Variants in MBTPS1 observed in about 807,000 individuals in gnomAD.
The protein encoded by MBTPS1 is membrane bound transcription factor peptidase, site 1.
In MBTPS1, 94 loss-of-function variants were observed where a neutral mutation model predicts 127.8. That is an observed-to-expected ratio of 0.74 (90% CI 0.62 to 0.87). MBTPS1 has a LOEUF of 0.87. Ranked by LOEUF, MBTPS1 falls within the 40% of genes least tolerant of loss-of-function variation. MBTPS1 has a pLI of 0.00. For synonymous variants in MBTPS1, 632 were observed against 509.4 expected (o/e 1.24, Z -3.24); for missense variants, 1,636 against 1,353.2 (o/e 1.21, Z -3.28).
chr16:84,083,214 C>T (rs949305013), intron 10 of MBTPS1, among the ~76,000 whole-genome samples: 2 of 152,242 alleles, frequency 1.3e-5, no homozygotes, highest in Non-Finnish European at 1.5e-5. Flanking sequence ...ACTGAATTCT[C>T]TCCACCTGGC....
intron 21 of MBTPS1, 37 bp from the exon 22 acceptor site, chr16:84,056,172 C>T (rs761453983): frequency 3.2e-6 from 5 of 1,583,006 alleles, no homozygotes; most frequent in Admixed American, 3.3e-5. Flanking sequence ...CAAAAATAAG[C>T]CATTGTACTA....
chr16:84,110,032 AG>A (rs2151174293), intron 1 of MBTPS1, among the ~76,000 whole-genome samples: 1 of 152,222 alleles, frequency 6.6e-6, no homozygotes, highest in East Asian at 1.9e-4. Context: ...TTTCCAAAAC[AG>A]GCAGAAAAAA....
At chr16:84,110,211 T>C (rs1053571461) in intron 1 of MBTPS1, among the ~76,000 whole-genome samples, 14 of 152,304 alleles carry the variant, frequency 9.2e-5, no homozygotes, top group Middle Eastern at 3.4e-3. Context: ...AATTGTTACG[T>C]AGAAGGACAT....
chr16:84,071,483 G>A (rs770365753), intron 12 of MBTPS1, among the ~76,000 whole-genome samples: 19 of 152,218 alleles, frequency 1.2e-4, no homozygotes, highest in Non-Finnish European at 2.5e-4. Context: ...GTAGGATACG[G>A]TGTCCCAAAT....
intron 8 of MBTPS1, among the ~76,000 whole-genome samples, chr16:84,088,132 T>A (rs1567492360): frequency 6.6e-6 from 1 of 152,134 alleles, no homozygotes; most frequent in Admixed American, 6.5e-5. Context: ...AAAGTCAAGA[T>A]AAAGATGAAC....
chr16:84,062,631 TATC>T (rs1296804662), intron 19 of MBTPS1, among the ~76,000 whole-genome samples: 4 of 152,212 alleles, frequency 2.6e-5, no homozygotes, highest in African/African-American at 9.6e-5. Flanking sequence ...CTGGTGTCAT[TATC>T]ATCTCACCAG....
Position 84,101,897 on chromosome 16 carries a change from T to C in MBTPS1, c.-114A>G. On this transcript the variant is annotated 5_prime_UTR_variant, in exon 2 of 23. It removes an upstream start codon present in the reference 5' UTR. Transcript: ENST00000343411. Reference sequence around the variant, plus strand: ...AAGCTGCAACATTACTAATCAGCCATCTTACAGTCTTGCCCAACATAAATA... The same window carrying C: ...AAGCTGCAACATTACTAATCAGCCACCTTACAGTCTTGCCCAACATAAATA... 2 of 931,834 alleles carry C rather than the reference T, an allele frequency of 2.1e-6. No individual in the cohort carries two copies. The highest frequency in any genetic ancestry group is 3.3e-6 in the Non-Finnish European group (2 of 600,152). 57.7% of individuals were successfully genotyped at this position (931,834 alleles called of 1,614,324 possible). A position where few individuals can be genotyped will look rare whatever the true frequency, so the allele number is the denominator to read the frequency against.
rs747574931 is a variant in MBTPS1, at chr16:84,070,569, C to T, written c.1782+19G>A. The T allele has an allele frequency of 2.5e-6, 4 of 1,608,544 alleles. No homozygotes were observed. The highest frequency in any genetic ancestry group is 3.4e-6 in the Non-Finnish European group (4 of 1,178,776). On this transcript the variant is annotated intron_variant, in intron 13 of 22. Coordinates refer to ENST00000343411, the MANE Select transcript of MBTPS1 (RefSeq NM_003791.4). ...GTCAAACAGCTAAGAAAACAAGCCA[C>T]TTTCCCGCATATCCCTACCTCTGTC...
At chr16:84,109,801 A>T (rs1468589059) in intron 1 of MBTPS1, among the ~76,000 whole-genome samples, 2 of 152,186 alleles carry the variant, frequency 1.3e-5, no homozygotes, top group East Asian at 3.8e-4. Flanking sequence ...GGCAAAACCC[A>T]AGTAAGCCTG....
At chr16:84,068,089 G>T (rs1272906114) in intron 15 of MBTPS1, among the ~76,000 whole-genome samples, 1 of 152,238 alleles carries the variant, frequency 6.6e-6, no homozygotes, top group Non-Finnish European at 1.5e-5. Context: ...ATATAGCAGA[G>T]CTGCTTTTAA....
chr16:84,111,442 G>C (rs2086395141), intron 1 of MBTPS1, among the ~76,000 whole-genome samples: 1 of 152,120 alleles, frequency 6.6e-6, no homozygotes, highest in Admixed American at 6.5e-5. Context: ...CCGGAAGGCT[G>C]AGGCAGGAGA....
At chr16:84,102,876 G>A (rs2086276442) in intron 1 of MBTPS1, among the ~76,000 whole-genome samples, 1 of 152,142 alleles carries the variant, frequency 6.6e-6, no homozygotes, top group African/African-American at 2.4e-5. Flanking sequence ...AGGGTTTACT[G>A]TCCTGAAATT....
rs747418498 is a variant in MBTPS1, at chr16:84,064,514, T to C, written c.2432-1069A>G. Among the ~76,000 whole-genome samples the C allele has an allele frequency of 7.9e-5, 12 of 152,170 alleles. No homozygotes were observed. The South Asian group carries it at 1.0e-3, about 13-fold the overall frequency. ...GGGAATAAAATGCCCCTTTAAAAAA[T>C]TTCGTTTTCACACTGTAGTAGAACA... On this transcript the variant is annotated intron_variant, in intron 18 of 22. Transcript: ENST00000343411.
At chr16:84,083,503 C>T (rs900212055) in intron 10 of MBTPS1, among the ~76,000 whole-genome samples, 3 of 151,796 alleles carry the variant, frequency 2.0e-5, no homozygotes, top group African/African-American at 7.3e-5. Flanking sequence ...GTTGCCCCAG[C>T]TGCTCTCAAA....
intron 1 of MBTPS1, among the ~76,000 whole-genome samples, chr16:84,111,621 G>C (rs369507502): frequency 6.6e-6 from 1 of 152,124 alleles, no homozygotes; most frequent in African/African-American, 2.4e-5. Flanking sequence ...AACGCAGGTG[G>C]CCTGTAGAAA....
intron 21 of MBTPS1, 140 bp downstream of exon 21, chr16:84,059,162 C>A: frequency 8.6e-7 from 1 of 1,161,724 alleles, no homozygotes; most frequent in Non-Finnish European, 1.2e-6. Context: ...ACGAGGTTCA[C>A]TAAATAACTG....
rs780551492 is a variant in MBTPS1 at position 84,055,973 on chromosome 16, T to C, written c.2962+32A>G. 3.7e-6 allele frequency: 6 copies of C among 1,600,050 alleles called. No homozygotes were observed. The South Asian group carries it at 6.6e-5, about 18-fold the overall frequency. ...TCCTTTGAACAAAATACAGGATGAC[T>C]GAGCACAATCACAAAGCAGCCGAGA... On this transcript the variant is annotated intron_variant, in intron 22 of 22. Coordinates refer to ENST00000343411, the MANE Select transcript of MBTPS1 (RefSeq NM_003791.4).
Position 84,070,602 on chromosome 16 carries a change from G to T in MBTPS1, c.1768C>A (p.Pro590Thr). 1 of 1,612,136 alleles carries T rather than the reference G, an allele frequency of 6.2e-7. No individual in the cohort carries two copies. Among genetic ancestry groups the T allele is most frequent in the Non-Finnish European group, 8.5e-7 (1 of 1,179,720 alleles). Residue 590 changes from proline to threonine, a missense_variant, in exon 13 of 23, where the codon CCA (proline) becomes ACA (threonine). Pro to Thr is a conservative substitution (Grantham distance 38). Transcript: ENST00000343411. ...CATATCCCTACCTCTGTCTCTGCTG[G>T]GGAAGCCACAGTGATCATGACATGG... ...QGHVMITVAS[P>T]AETESKNGAE...
chr16:84,114,523 T>C (rs1299354869), intron 1 of MBTPS1, among the ~76,000 whole-genome samples: 1 of 151,960 alleles, frequency 6.6e-6, no homozygotes, highest in Non-Finnish European at 1.5e-5. Flanking sequence ...CTAACTTCCT[T>C]ATTTTACTTT....
Sources: allele counts gnomAD v4.1 joint callset (sites outside exome capture counted in the v4.1 genomes callset), GRCh38; gene constraint gnomAD v4.1.1; transcripts MANE v1.5; gene names NCBI Gene and HGNC (gene_info 2026-07-23, HGNC 2026-07-21).